Variants in CHAF1A observed in about 807,000 individuals in gnomAD.
CHAF1A encodes the protein CAF-1 subunit A.
CHAF1A carries 5 observed loss-of-function variants against 93.2 expected under a neutral mutation model. That is an observed-to-expected ratio of 0.05 (90% CI 0.03 to 0.11). The LOEUF (loss-of-function observed/expected upper bound fraction) is 0.11. Ranked by LOEUF, CHAF1A falls within the 10% of genes least tolerant of loss-of-function variation. The probability of loss-of-function intolerance (pLI) is 1.00; values close to 1 mark genes in which losing one functional copy is unlikely to be tolerated. For missense variants in CHAF1A, 1,102 were observed against 1,259.9 expected (o/e 0.87, Z 1.90); for synonymous variants, 504 against 510.3 (o/e 0.99, Z 0.17).
intron 13 of CHAF1A, among the ~76,000 whole-genome samples, chr19:4,436,591 C>G (rs1239622787): frequency 6.6e-6 from 1 of 152,198 alleles, no homozygotes; most frequent in African/African-American, 2.4e-5. Flanking sequence ...CGGGAAGGTA[C>G]TATCTGGTTG....
intron 3 of CHAF1A, 91 bp downstream of exon 3, chr19:4,409,850 C>T: frequency 6.8e-7 from 1 of 1,459,862 alleles, no homozygotes; most frequent in East Asian, 2.3e-5. Context: ...TGTTTTGTGG[C>T]AGAGTGAGCG....
rs1973756550 is a variant in CHAF1A at position 4,409,700 on chromosome 19, G to A, written c.901G>A (p.Ala301Thr). ...CACCAGCTCGCCCGAGGGGCCGCCT[G>A]CTCCCCCAAAGCAGCACAGCAGTAC... ...SSTSSPEGPPAPPKQHSSTSP... is the reference protein window; with the variant it reads ...SSTSSPEGPPTPPKQHSSTSP... The change falls in exon 3 of 15, where the codon GCT (alanine) becomes ACT (threonine). Residue 301 changes from alanine to threonine, a missense_variant. Ala to Thr is a moderately conservative substitution (Grantham distance 58). Around this residue, in one of 6 missense-constraint regions of CHAF1A, gnomAD observed 379 missense variants for 365.7 expected, o/e 1.04. Transcript: ENST00000301280. 1.2e-6 allele frequency: 2 copies of A among 1,614,102 alleles called. No individual in the cohort carries two copies. Among genetic ancestry groups the A allele is most frequent in the East Asian group, 4.5e-5 (2 of 44,880 alleles).
chr19:4,429,091 T>C, intron 8 of CHAF1A: 2 of 596,320 alleles, frequency 3.4e-6, no homozygotes, highest in Non-Finnish European at 5.9e-6. Context: ...TCTCCCTGTC[T>C]TCCCAGCTCC....
chr19:4,446,188 T>C (rs764273610), downstream of CHAF1A: 74 of 1,604,536 alleles, frequency 4.6e-5, no homozygotes, highest in Non-Finnish European at 6.0e-5. Flanking sequence ...CTCCCGAGCG[T>C]AGAAAGTGCC....
chr19:4,425,659 CTT>C (rs1487533942), intron 7 of CHAF1A, among the ~76,000 whole-genome samples: 1 of 152,240 alleles, frequency 6.6e-6, no homozygotes, highest in Non-Finnish European at 1.5e-5. Context: ...ATCTCAACCT[CTT>C]TGCCCCTCAG....
Position 4,433,224 on chromosome 19 carries a change from C to T in CHAF1A, c.2358C>T (p.Pro786=). ...PSTTYLHTPT[P]SEDAAIPSKS... is the part of the protein sequence containing the mutation. ...CCACCTACCTGCACACCCCCACCCCCAGCGAGGATGCCGCCATCCCCTCTA... is the reference window on the plus strand; with the variant it reads ...CCACCTACCTGCACACCCCCACCCCTAGCGAGGATGCCGCCATCCCCTCTA... The change falls in exon 13 of 15, where the codon CCC becomes CCT. Residue 786 remains proline, a synonymous_variant. Transcript: ENST00000301280. The surrounding 1 kb of genome is among the most constrained non-coding windows in gnomAD (Gnocchi z 5.6). The T allele has an allele frequency of 1.9e-6, 3 of 1,614,166 alleles. No individual in the cohort carries two copies. Among genetic ancestry groups the T allele is most frequent in the Non-Finnish European group, 2.5e-6 (3 of 1,180,018 alleles).
intron 9 of CHAF1A, 36 bp from the exon 10 acceptor site, chr19:4,429,672 A>G (rs761969427): frequency 1.9e-6 from 3 of 1,613,810 alleles, no homozygotes; most frequent in Admixed American, 3.3e-5. Context: ...TCCAGCCCCA[A>G]AGACAGTTGT....
Position 4,432,187 on chromosome 19 carries a change from G to A in CHAF1A, c.2183G>A (p.Arg728Gln), listed in dbSNP as rs756362611. 15 of 1,608,806 alleles carry A rather than the reference G, an allele frequency of 9.3e-6. No individual in the cohort carries two copies. The highest frequency in any genetic ancestry group is 4.5e-5 in the East Asian group (2 of 44,728). Residue 728 changes from arginine (R) to glutamine (Q), a missense_variant, in exon 12 of 15, where the codon CGG becomes CAG. By Grantham distance (43) the Arg-to-Gln change is conservative. Around this residue, in one of 6 missense-constraint regions of CHAF1A, gnomAD observed 335 missense variants for 361.9 expected, o/e 0.93. Coordinates refer to ENST00000301280, the MANE Select transcript of CHAF1A (RefSeq NM_005483.3). ...QEEQTPKASK[R>Q]ERRDEQILAQ... is the part of the protein sequence containing the mutation. The stretch of plus-strand genomic sequence containing the variant: ...GAGCAGACGCCCAAGGCCTCCAAGC[G>A]GGAGAGGAGAGACGAGCAGAGTGAG...
intron 7 of CHAF1A, among the ~76,000 whole-genome samples, chr19:4,427,136 C>CTTTTTTTTTTTTTTTTTTTTTTTTTTT (rs747750687): frequency 1.6e-4 from 5 of 31,948 alleles, no homozygotes; most frequent in African/African-American, 5.9e-4. Flanking sequence ...AAGACCCTGT[C>CTTTTTTTTTTTTTTTTTTTTTTTTTTT]TTTTTTTTTT....
At chr19:4,434,972 A>ACTGGCCCCTGGCACCCACCC (rs1974255050) in intron 13 of CHAF1A, among the ~76,000 whole-genome samples, 1 of 151,850 alleles carries the variant, frequency 6.6e-6, no homozygotes, top group African/African-American at 2.4e-5. Context: ...CCAGAGAGCC[A>ACTGGCCCCTGGCACCCACCC]CTGGCCCCTG....
chr19:4,411,644 C>CTTTTTTTTTTTGTTTTTTTT (rs1973802531), intron 3 of CHAF1A, among the ~76,000 whole-genome samples: 2 of 48,204 alleles, frequency 4.1e-5, no homozygotes, highest in East Asian at 4.8e-4. Context: ...TGGTGCAAAT[C>CTTTTTTTTTTTGTTTTTTTT]TTTTTTTTTT....
chr19:4,443,015 G>A lies in CHAF1A; in HGVS notation c.2861G>A (p.Gly954Asp), dbSNP rs1974424790. Residue 954 changes from glycine (G) to aspartate (D), a missense_variant, in exon 15 of 15, where the codon GGT becomes GAT. By Grantham distance (94) the Gly-to-Asp change is moderately conservative. Around this residue, in one of 6 missense-constraint regions of CHAF1A, gnomAD observed 119 missense variants for 102.2 expected, o/e 1.16. Coordinates refer to ENST00000301280, the MANE Select transcript of CHAF1A (RefSeq NM_005483.3). ...GCCACCCTGACCGCGAGCCCACTGG[G>A]TGCATCCTGAGAGCAGGGGTGACGT... ...GKATLTASPL[G>D]AS 6.3e-7 allele frequency: 1 copy of A among 1,588,522 alleles called. No homozygotes were observed. The highest frequency in any genetic ancestry group is 2.3e-5 in the East Asian group (1 of 44,068).
intron 8 of CHAF1A, 75 bp from the exon 9 acceptor site, chr19:4,429,363 C>A: frequency 6.6e-7 from 1 of 1,518,862 alleles, no homozygotes; most frequent in African/African-American, 1.4e-5. Flanking sequence ...GCCAGCTTCA[C>A]AGGGAGGTTC....
chr19:4,411,474 C>A (rs371363001), intron 3 of CHAF1A, among the ~76,000 whole-genome samples: 7 of 152,082 alleles, frequency 4.6e-5, no homozygotes, highest in African/African-American at 1.7e-4. Flanking sequence ...AGGTAATCCA[C>A]CCGCCTTGGC....
chr19:4,436,407 G>T (rs1339580536), intron 13 of CHAF1A, among the ~76,000 whole-genome samples: 1 of 152,222 alleles, frequency 6.6e-6, no homozygotes, highest in Admixed American at 6.5e-5. Flanking sequence ...CTCTGTGGAG[G>T]CGGCTTGGCG....
chr19:4,425,680 G>C (rs189104523), intron 7 of CHAF1A, among the ~76,000 whole-genome samples: 10 of 152,286 alleles, frequency 6.6e-5, no homozygotes, highest in East Asian at 3.9e-4. Flanking sequence ...AGTGGTGTAG[G>C]GGGGGTCCCT....
downstream of CHAF1A, chr19:4,447,190 C>T (rs113231772): frequency 5.3e-3 from 3,082 of 583,830 alleles, 18 homozygotes; most frequent in Non-Finnish European, 6.9e-3. Context: ...GGGCCTGATG[C>T]GAGGCTAACA....
At position 4,435,993 on chromosome 19, in the gene CHAF1A, G is replaced by A. The variant is rs143404724; in HGVS notation, c.2673+2454G>A. ...GTCTCTACTAAAAATACAAAAATTAGCTGGGCATGGTGGCAGGTGCCTGTA... is the reference window on the plus strand; with the variant it reads ...GTCTCTACTAAAAATACAAAAATTAACTGGGCATGGTGGCAGGTGCCTGTA... On this transcript the variant is annotated intron_variant, in intron 13 of 14. Transcript: ENST00000301280. Among the ~76,000 whole-genome samples, 472 of 152,238 alleles carry A rather than the reference G, an allele frequency of 3.1e-3. 4 individuals are homozygous for A. Among genetic ancestry groups the A allele is most frequent in the Admixed American group, 0.021 (328 of 15,280 alleles).
rs1973963637 is a variant in CHAF1A at position 4,420,054 on chromosome 19, G to A, written c.1017+1978G>A. 2.0e-5 allele frequency among the ~76,000 whole-genome samples: 3 copies of A among 152,076 alleles called. No homozygotes were observed. In the South Asian group the frequency reaches 6.2e-4, roughly 32 times the overall value. On this transcript the variant is annotated intron_variant, in intron 4 of 14. Coordinates refer to ENST00000301280, the MANE Select transcript of CHAF1A (RefSeq NM_005483.3). ...GACATCTTCCAGGCTGTGTCTCTGT[G>A]GCTTTTGTTAAAGCTACCAGAGATG... is the stretch of plus-strand genomic sequence containing the variant.
Sources: gnomAD v4.1 joint callset for allele counts (sites outside exome capture counted in the v4.1 genomes callset) on GRCh38, gnomAD v4.1.1 for gene constraint, gnomAD v4.1.1 regional missense constraint, Gnocchi (gnomAD v3.1) non-coding constraint, MANE v1.5 for transcripts, NCBI Gene and HGNC (gene_info 2026-07-23, HGNC 2026-07-21) for gene names.